Variants in ADORA1 observed in about 807,000 individuals in gnomAD.
The protein encoded by ADORA1 is adenosine A1 receptor, also known as adenosine receptor A1.
A neutral mutation model predicts 19.9 loss-of-function variants in ADORA1; 6 were observed. The observed-to-expected ratio is 0.30, with a 90% CI of 0.17 to 0.59. The LOEUF is 0.59. Among genes scored for constraint, ADORA1 ranks in the 20% least tolerant of loss-of-function variants. ADORA1 has a pLI of 0.87. For synonymous variants in ADORA1, 194 were observed against 188.4 expected, an observed-to-expected ratio of 1.03 and a Z score of -0.24; for missense variants, 302 against 439.2, an observed-to-expected ratio of 0.69 and a Z score of 2.79.
At chr1:203,161,016 T>C (rs2102765187) in intron 3 of ADORA1, among the ~76,000 whole-genome samples, 1 of 152,298 alleles carries the variant, frequency 6.6e-6, no homozygotes, top group South Asian at 2.1e-4. Context: ...CCCTGCCCTA[T>C]TTGGACACAG....
rs141562254 is a variant in ADORA1 at position 203,161,269 on chromosome 1, A to C, written c.342-3992A>C. On this transcript the variant is annotated intron_variant, in intron 3 of 3. Transcript: ENST00000337894. ...TCATCAATGAGAAGTTCCGACTAAT[A>C]AACTAATTCATACTATGGAGTTCAT... Among the ~76,000 whole-genome samples the C allele has an allele frequency of 5.3e-3, 803 of 152,318 alleles. 6 individuals carry two copies. Among genetic ancestry groups the C allele is most frequent in the Middle Eastern group, 0.017 (5 of 294 alleles).
At chr1:203,132,800 T>C (rs1361849548) in intron 3 of ADORA1, among the ~76,000 whole-genome samples, 1 of 152,120 alleles carries the variant, frequency 6.6e-6, no homozygotes, top group Non-Finnish European at 1.5e-5. Context: ...TGAGCCGAGA[T>C]TGCGCCACTA....
chr1:203,148,980 C>T (rs779457282), intron 3 of ADORA1, among the ~76,000 whole-genome samples: 17 of 152,068 alleles, frequency 1.1e-4, no homozygotes, highest in Non-Finnish European at 1.3e-4. Flanking sequence ...CGGGTTCAAG[C>T]GATTCTCCTG....
chr1:203,153,545 C>T (rs1318899216), intron 3 of ADORA1, among the ~76,000 whole-genome samples: 1 of 152,190 alleles, frequency 6.6e-6, no homozygotes, highest in Non-Finnish European at 1.5e-5. Context: ...TGTCTGCCCT[C>T]CTCCCTGTAG....
chr1:203,141,930 C>T (rs902597552), intron 3 of ADORA1, among the ~76,000 whole-genome samples: 6 of 152,140 alleles, frequency 3.9e-5, no homozygotes, highest in Non-Finnish European at 8.8e-5. Context: ...ACATCTTCCT[C>T]CTGCTGCTTT....
chr1:203,128,217 C>A lies in ADORA1; in HGVS notation c.-212-61C>A. On this transcript the variant is annotated intron_variant, in intron 1 of 3. Coordinates refer to ENST00000337894, the MANE Select transcript of ADORA1 (RefSeq NM_000674.3). This position sits in a 1 kb window ranked among gnomAD's most constrained non-coding sequence, Gnocchi z 5.9. ...CCCAGTCCCAGGTGCGAAACAGGGG[C>A]GCTACCTCTTTAAAAGCGTCCGGGG... 1.2e-6 allele frequency: 1 copy of A among 804,492 alleles called. No homozygotes were observed. Among genetic ancestry groups the A allele is most frequent in the East Asian group, 7.1e-5 (1 of 14,180 alleles). The allele number at this position is 804,492 out of a possible 1,614,324, so 49.8% of individuals were successfully genotyped here.
intron 3 of ADORA1, among the ~76,000 whole-genome samples, chr1:203,154,674 C>T (rs12119124): frequency 6.6e-6 from 1 of 152,114 alleles, no homozygotes; most frequent in South Asian, 2.1e-4. Context: ...CGCCCCATCC[C>T]CACTGCTCCA....
At chr1:203,164,985 T>A in intron 3 of ADORA1, 1 of 1,504,542 alleles carries the variant, frequency 6.6e-7, no homozygotes, top group Non-Finnish European at 9.0e-7. Context: ...TTCCTTGAAA[T>A]TCATAAAGGA....
intron 3 of ADORA1, among the ~76,000 whole-genome samples, chr1:203,152,337 G>C (rs1000247064): frequency 1.3e-5 from 2 of 152,168 alleles, no homozygotes; most frequent in Non-Finnish European, 2.9e-5. Context: ...CTCCTGCCTG[G>C]GCCCTCCCCA....
At chr1:203,151,797 C>CATTCATTA (rs1655045568) in intron 3 of ADORA1, among the ~76,000 whole-genome samples, 1 of 151,254 alleles carries the variant, frequency 6.6e-6, no homozygotes, top group Admixed American at 6.6e-5. Flanking sequence ...TGCATTCATT[C>CATTCATTA]ATTCATTCAT....
rs1655285043 is a variant in ADORA1 at position 203,159,064 on chromosome 1, A to G, written c.342-6197A>G. Among the ~76,000 whole-genome samples the G allele has an allele frequency of 3.3e-5, 5 of 152,314 alleles. No individual in the cohort carries two copies. In the South Asian group the frequency reaches 1.0e-3, roughly 32 times the overall value. On this transcript the variant is annotated intron_variant, in intron 3 of 3. Transcript: ENST00000337894. ...GAGCTTTGGGGGACACATTCAAACC[A>G]TAGCAACATCCAAACTCAGCAGCAG...
intron 3 of ADORA1, among the ~76,000 whole-genome samples, chr1:203,139,313 C>T (rs1007009350): frequency 4.6e-5 from 7 of 152,140 alleles, no homozygotes; most frequent in Admixed American, 6.5e-5. Flanking sequence ...TGGCAACATG[C>T]GGCATCTGTG....
At chr1:203,157,890 T>C (rs1655246315) in intron 3 of ADORA1, among the ~76,000 whole-genome samples, 1 of 152,176 alleles carries the variant, frequency 6.6e-6, no homozygotes, top group South Asian at 2.1e-4. Flanking sequence ...AATGCCGAGG[T>C]CCTGCCTGGT....
intron 3 of ADORA1, among the ~76,000 whole-genome samples, chr1:203,134,866 T>C (rs2102737719): frequency 6.6e-6 from 1 of 152,386 alleles, no homozygotes; most frequent in Middle Eastern, 3.4e-3. Flanking sequence ...TTTTATATCC[T>C]ATTTTATTCA....
Position 203,128,713 on chromosome 1 carries a change from G to C in ADORA1, c.-57-72G>C. The C allele has an allele frequency of 6.7e-7, 1 of 1,482,368 alleles. No individual in the cohort carries two copies. Among genetic ancestry groups the C allele is most frequent in the African/African-American group, 1.4e-5 (1 of 71,214 alleles). 91.8% of individuals were successfully genotyped at this position (1,482,368 alleles called of 1,614,324 possible). ...TGGGACACATCACAGGGTACCTGGA[G>C]TTCCAGGGCAGCCTGAGCTCCCTGC... On this transcript the variant is annotated intron_variant, in intron 2 of 3. Transcript: ENST00000337894. This position sits in a 1 kb window ranked among gnomAD's most constrained non-coding sequence, Gnocchi z 5.9.
At chr1:203,133,941 A>T (rs1002293087) in intron 3 of ADORA1, among the ~76,000 whole-genome samples, 2 of 152,184 alleles carry the variant, frequency 1.3e-5, no homozygotes, top group Non-Finnish European at 2.9e-5. Context: ...GTGTGCCGTC[A>T]TGCCCCCGCA....
intron 3 of ADORA1, among the ~76,000 whole-genome samples, chr1:203,160,275 G>A (rs1441626580): frequency 6.6e-6 from 1 of 152,220 alleles, no homozygotes; most frequent in Non-Finnish European, 1.5e-5. Context: ...GGGACCAGAA[G>A]TGTTTCCAAT....
chr1:203,158,022 C>T (rs900824753), intron 3 of ADORA1, among the ~76,000 whole-genome samples: 1 of 152,220 alleles, frequency 6.6e-6, no homozygotes, highest in African/African-American at 2.4e-5. Flanking sequence ...ATATTATTCT[C>T]TTTAGCAAAT....
At chr1:203,153,149 G>T (rs534912658) in intron 3 of ADORA1, among the ~76,000 whole-genome samples, 13 of 152,136 alleles carry the variant, frequency 8.5e-5, no homozygotes, top group Non-Finnish European at 1.8e-4. Flanking sequence ...AGCTTGTGCT[G>T]TCAGTCATGC....
Sources: gnomAD v4.1 joint callset for allele counts (sites outside exome capture counted in the v4.1 genomes callset) on GRCh38, gnomAD v4.1.1 for gene constraint, Gnocchi (gnomAD v3.1) non-coding constraint, MANE v1.5 for transcripts, NCBI Gene and HGNC (gene_info 2026-07-23, HGNC 2026-07-21) for gene names.